PRIM2: variants seen among roughly 807,000 people sequenced by gnomAD.
PRIM2 encodes the protein DNA primase large subunit.
A neutral mutation model predicts 67.3 loss-of-function variants in PRIM2; 39 were observed. That is an observed-to-expected ratio of 0.58 (90% CI 0.45 to 0.76). The LOEUF is 0.76. PRIM2 is among the 30% of genes least tolerant of loss of function. The probability of loss-of-function intolerance (pLI) is 0.00; values close to 1 mark genes in which losing one functional copy is unlikely to be tolerated. For synonymous variants in PRIM2, 143 were observed against 198.7 expected (o/e 0.72, Z 2.36); for missense variants, 398 against 598.7 (o/e 0.66, Z 3.50).
chr6:57,603,593 A>G (rs1330867673), intron 11 of PRIM2, among the ~76,000 whole-genome samples: 4 of 152,026 alleles, frequency 2.6e-5, no homozygotes, highest in South Asian at 2.1e-4. Flanking sequence ...GCCTTATAGT[A>G]TAGTTTGGAG....
the PRIM2 span, among the ~76,000 whole-genome samples, chr6:57,237,237 C>A: frequency 3.3e-5 from 5 of 152,104 alleles, no homozygotes; most frequent in African/African-American, 1.2e-4. Context: ...CTGTTCATAT[C>A]CTTTGCCCAC....
At chr6:57,445,424 C>T (rs1302688922) in intron 7 of PRIM2, among the ~76,000 whole-genome samples, 1 of 152,096 alleles carries the variant, frequency 6.6e-6, no homozygotes, top group Admixed American at 6.6e-5. Context: ...ACATAGCACC[C>T]ATTATCCTCA....
At chr6:57,275,437 C>G in the PRIM2 span, among the ~76,000 whole-genome samples, 1 of 152,214 alleles carries the variant, frequency 6.6e-6, no homozygotes, top group South Asian at 2.1e-4. Flanking sequence ...TGCAGTGAGC[C>G]AAGATCGTGC....
intron 13 of PRIM2, among the ~76,000 whole-genome samples, chr6:57,639,118 T>C (rs1777179538): frequency 6.6e-6 from 1 of 152,182 alleles, no homozygotes; most frequent in Non-Finnish European, 1.5e-5. Context: ...ACTGCACAAC[T>C]ACATGGAAAC....
intron 13 of PRIM2, among the ~76,000 whole-genome samples, chr6:57,642,357 GAACTTTAAGTATAATTTA>G (rs1777253808): frequency 6.8e-6 from 1 of 146,602 alleles, no homozygotes; most frequent in Non-Finnish European, 1.5e-5. Context: ...ATGGACTCCA[GAACTTTAAGTATAATTTA>G]AAAAATATTA....
At chr6:57,259,154 G>A in the PRIM2 span, among the ~76,000 whole-genome samples, 1 of 152,190 alleles carries the variant, frequency 6.6e-6, no homozygotes, top group Non-Finnish European at 1.5e-5. Context: ...TCACAAGCCA[G>A]AAGTACATGG....
At chr6:57,618,318 G>T (rs1776789657) in intron 12 of PRIM2, among the ~76,000 whole-genome samples, 1 of 152,214 alleles carries the variant, frequency 6.6e-6, no homozygotes, top group South Asian at 2.1e-4. Flanking sequence ...TCTGTAGATT[G>T]TGTATAAAGA....
rs1158188964 is a variant in PRIM2 at position 57,474,173 on chromosome 6, C to CTTTT, written c.694-33187_694-33184dup. On this transcript the variant is annotated intron_variant, in intron 7 of 13. Transcript: ENST00000615550. ...TCTACTTTTTCTGCAATTCTGCTAT[C>CTTTT]TTTTTTTTTTTTTTTTTTTTTTTTT... is the stretch of plus-strand genomic sequence containing the variant. Among the ~76,000 whole-genome samples, 182 of 63,974 alleles carry CTTTT rather than the reference C, an allele frequency of 2.8e-3. 31 individuals carry two copies. The highest frequency in any genetic ancestry group is 7.9e-3 in the African/African-American group (120 of 15,208). The allele number at this position is 63,974 out of a possible 152,430, so 42.0% of individuals were successfully genotyped here.
At chr6:57,359,259 T>C (rs1271355015) in intron 5 of PRIM2, among the ~76,000 whole-genome samples, 2 of 152,200 alleles carry the variant, frequency 1.3e-5, no homozygotes, top group Admixed American at 6.5e-5. Flanking sequence ...GGGATGCCAT[T>C]AAGAATTCTA....
chr6:57,433,924 G>GTTT (rs5876563), intron 7 of PRIM2, among the ~76,000 whole-genome samples: 13 of 135,972 alleles, frequency 9.6e-5, no homozygotes, highest in Admixed American at 2.2e-4. Context: ...TCTGTTCCCT[G>GTTT]TTTTTTTTTT....
intron 8 of PRIM2, among the ~76,000 whole-genome samples, chr6:57,521,706 T>C (rs1479822277): frequency 6.6e-6 from 1 of 152,208 alleles, no homozygotes; most frequent in Non-Finnish European, 1.5e-5. Context: ...TTAAAAAATA[T>C]GATAAACTAT....
chr6:57,630,958 G>A (rs1193574868), intron 12 of PRIM2, among the ~76,000 whole-genome samples: 1 of 152,128 alleles, frequency 6.6e-6, no homozygotes, highest in African/African-American at 2.4e-5. Flanking sequence ...AGTCAGACTG[G>A]CAGAAACCTG....
intron 5 of PRIM2, among the ~76,000 whole-genome samples, chr6:57,334,486 A>G (rs2127284706): frequency 6.6e-6 from 1 of 152,128 alleles, no homozygotes; most frequent in East Asian, 1.9e-4. Context: ...GAACTTTCAT[A>G]TTGTTTTTCA....
intron 10 of PRIM2, among the ~76,000 whole-genome samples, chr6:57,559,284 T>C (rs1314856582): frequency 6.6e-6 from 1 of 152,174 alleles, no homozygotes; most frequent in African/African-American, 2.4e-5. Context: ...ATGGAAGTTA[T>C]TATGGCAGAA....
intron 5 of PRIM2, among the ~76,000 whole-genome samples, chr6:57,356,335 T>A (rs1581823146): frequency 6.6e-6 from 1 of 152,328 alleles, no homozygotes; most frequent in Non-Finnish European, 1.5e-5. Flanking sequence ...TTATTAACAG[T>A]GCCTAGCATA....
At chr6:57,619,005 C>T (rs1250345992) in intron 12 of PRIM2, among the ~76,000 whole-genome samples, 6 of 152,180 alleles carry the variant, frequency 3.9e-5, no homozygotes, top group Admixed American at 1.3e-4. Flanking sequence ...AAACTAAGAA[C>T]CCTCATGGAG....
intron 10 of PRIM2, among the ~76,000 whole-genome samples, chr6:57,565,808 T>C (rs1438421961): frequency 6.6e-6 from 1 of 152,210 alleles, no homozygotes; most frequent in East Asian, 1.9e-4. Flanking sequence ...TTAAAAAAAA[T>C]AGACACTTTC....
intron 10 of PRIM2, among the ~76,000 whole-genome samples, chr6:57,538,676 G>A (rs1775069573): frequency 6.6e-6 from 1 of 152,202 alleles, no homozygotes; most frequent in Non-Finnish European, 1.5e-5. Context: ...AAAAACGGAA[G>A]TTTATTTCCT....
chr6:57,289,442 G>A, the PRIM2 span, among the ~76,000 whole-genome samples: 4 of 152,060 alleles, frequency 2.6e-5, no homozygotes, highest in African/African-American at 7.2e-5. Context: ...TCAAATTCAG[G>A]AAATACAGGG....
Sources: allele counts gnomAD v4.1 joint callset (sites outside exome capture counted in the v4.1 genomes callset), GRCh38; gene constraint gnomAD v4.1.1; transcripts MANE v1.5; gene names NCBI Gene and HGNC (gene_info 2026-07-23, HGNC 2026-07-21).